FAM20A: variants seen among roughly 807,000 people sequenced by gnomAD.
FAM20A encodes the protein pseudokinase FAM20A.
FAM20A carries 42 observed loss-of-function variants against 52.0 expected under a neutral mutation model. That is an observed-to-expected ratio of 0.81 (90% CI 0.63 to 1.04). FAM20A has a LOEUF of 1.04. Ranked by LOEUF, FAM20A falls within the 50% of genes least tolerant of loss-of-function variation. The pLI, the probability that FAM20A is intolerant of heterozygous loss-of-function variation, is 0.00. For synonymous variants in FAM20A, 304 were observed against 298.9 expected (o/e 1.02, Z -0.18); for missense variants, 742 against 712.7 (o/e 1.04, Z -0.47).
At chr17:68,573,919 C>A (rs1024394883) in intron 1 of FAM20A, among the ~76,000 whole-genome samples, 2 of 151,988 alleles carry the variant, frequency 1.3e-5, no homozygotes, top group African/African-American at 4.8e-5. Context: ...CTCAGGTGAT[C>A]CGCCTGCCTC....
At chr17:68,555,797 A>G in intron 1 of FAM20A, 54 bp from the exon 2 acceptor site, 3 of 1,590,614 alleles carry the variant, frequency 1.9e-6, no homozygotes, top group Non-Finnish European at 2.6e-6. Context: ...AAGACCCACC[A>G]AGATACCTTG....
In FAM20A at chr17:68,554,847, C is replaced by G; in HGVS notation, c.590-20G>C. On this transcript the variant is annotated intron_variant, in intron 2 of 10. Coordinates refer to ENST00000592554, the MANE Select transcript of FAM20A (RefSeq NM_017565.4). Reference sequence around the variant, plus strand: ...TGTAATCTGCAAAGGAGGAGAAGGGCAATGAGAACTTCCAGTCTTGTTCCT... The same window carrying G: ...TGTAATCTGCAAAGGAGGAGAAGGGGAATGAGAACTTCCAGTCTTGTTCCT... 1 of 1,613,774 alleles carries G rather than the reference C, an allele frequency of 6.2e-7. No individual in the cohort carries two copies. Among genetic ancestry groups the G allele is most frequent in the Non-Finnish European group, 8.5e-7 (1 of 1,179,748 alleles).
Position 68,551,943 on chromosome 17 carries a change from G to A in FAM20A, c.649C>T (p.Pro217Ser). Residue 217 changes from proline to serine, a missense_variant, in exon 4 of 11, where the codon CCC becomes TCC. Transcript: ENST00000592554. ...GACDCTQIVK[P>S]SGVHLKLVLR... is the part of the protein sequence containing the mutation. ...ACCAGCTTGAGGTGGACCCCACTGGGTTTCACAACTGTGAAAGGCAGAAGG... is the reference window on the plus strand; with the variant it reads ...ACCAGCTTGAGGTGGACCCCACTGGATTTCACAACTGTGAAAGGCAGAAGG... The A allele has an allele frequency of 6.3e-7, 1 of 1,584,668 alleles. No individual in the cohort carries two copies. The highest frequency in any genetic ancestry group is 1.2e-5 in the South Asian group (1 of 86,946).
At position 68,595,582 on chromosome 17, in the gene FAM20A, A is replaced by C. The variant is rs183165105; in HGVS notation, c.404+4681T>G. 8.0e-3 allele frequency among the ~76,000 whole-genome samples: 1,221 copies of C among 152,282 alleles called. 17 individuals are homozygous for C. The highest frequency in any genetic ancestry group is 0.028 in the African/African-American group (1,170 of 41,562). The stretch of plus-strand genomic sequence containing the variant: ...GCTCCCCACTCTCTCTGCTAACCAC[A>C]CACGGGCCGTGGTTGAGGTCCATTT... On this transcript the variant is annotated intron_variant, in intron 1 of 10. Transcript: ENST00000592554.
chr17:68,582,972 T>G (rs1235197863), intron 1 of FAM20A, among the ~76,000 whole-genome samples: 2 of 151,104 alleles, frequency 1.3e-5, no homozygotes, highest in East Asian at 1.9e-4. Flanking sequence ...GCTGATTTTT[T>G]TTTTTTTGTA....
Position 68,543,713 on chromosome 17 carries a change from C to A in FAM20A, c.728G>T (p.Arg243Leu). 2 of 1,613,964 alleles carry A rather than the reference C, an allele frequency of 1.2e-6. No individual in the cohort carries two copies. Among genetic ancestry groups the A allele is most frequent in the Non-Finnish European group, 1.7e-6 (2 of 1,179,868 alleles). ...GAAGTCCACTGGTGTCTCCTCATCTCGCTGCTGTCTGGAAGGAAGGAAGGA... is the reference window on the plus strand; with the variant it reads ...GAAGTCCACTGGTGTCTCCTCATCTAGCTGCTGTCTGGAAGGAAGGAAGGA... ...KAMFKPMRQQ[R>L]DEETPVDFFY... The change falls in exon 5 of 11, where the codon CGA becomes CTA. Residue 243 changes from arginine (R) to leucine (L), a missense_variant. Arg to Leu is a moderately radical substitution (Grantham distance 102). Transcript: ENST00000592554.
At chr17:68,596,545 T>C (rs961313917) in intron 1 of FAM20A, among the ~76,000 whole-genome samples, 1 of 152,188 alleles carries the variant, frequency 6.6e-6, no homozygotes, top group Non-Finnish European at 1.5e-5. Flanking sequence ...TATCTAAGAA[T>C]GCAAAGGCGA....
At chr17:68,570,496 T>A (rs2087508159) in intron 1 of FAM20A, among the ~76,000 whole-genome samples, 1 of 152,216 alleles carries the variant, frequency 6.6e-6, no homozygotes, top group South Asian at 2.1e-4. Flanking sequence ...ATGGGAACCA[T>A]AAGCTTACTC....
intron 1 of FAM20A, among the ~76,000 whole-genome samples, chr17:68,572,842 G>T (rs1474729755): frequency 2.0e-5 from 3 of 151,828 alleles, no homozygotes; most frequent in African/African-American, 7.3e-5. Flanking sequence ...TTCCCTTTCT[G>T]TTCATCTGCC....
chr17:68,550,862 G>A (rs1168861749), intron 4 of FAM20A, among the ~76,000 whole-genome samples: 2 of 152,220 alleles, frequency 1.3e-5, no homozygotes, highest in Non-Finnish European at 2.9e-5. Context: ...TTAAGGAGGT[G>A]CTTTCGCCAA....
At chr17:68,554,543 ATGT>A (rs1159978509) in intron 3 of FAM20A, among the ~76,000 whole-genome samples, 3 of 152,190 alleles carry the variant, frequency 2.0e-5, no homozygotes, top group Non-Finnish European at 4.4e-5. Context: ...CTCCTCAGTG[ATGT>A]TGATGATGCT....
chr17:68,553,332 C>A (rs907861300), intron 3 of FAM20A, among the ~76,000 whole-genome samples: 2 of 152,178 alleles, frequency 1.3e-5, no homozygotes, highest in African/African-American at 4.8e-5. Flanking sequence ...GTCAATTAAA[C>A]CTCTTTCCTT....
chr17:68,567,400 A>G lies in FAM20A; in HGVS notation c.405-11657T>C, dbSNP rs1430984033. The stretch of plus-strand genomic sequence containing the variant: ...ATCTACATTCAACATGTTTAAAACT[A>G]AACTCTTGATTGTCTCTCTAAGCCT... On this transcript the variant is annotated intron_variant, in intron 1 of 10. Coordinates refer to ENST00000592554, the MANE Select transcript of FAM20A (RefSeq NM_017565.4). 2.0e-5 allele frequency among the ~76,000 whole-genome samples: 3 copies of G among 151,920 alleles called. 1 individual carries two copies. Among genetic ancestry groups the G allele is most frequent in the Admixed American group, 2.0e-4 (3 of 15,272 alleles).
chr17:68,578,742 C>A (rs961828160), intron 1 of FAM20A, among the ~76,000 whole-genome samples: 2 of 150,596 alleles, frequency 1.3e-5, no homozygotes, highest in African/African-American at 2.4e-5. Flanking sequence ...GCCTGTAATC[C>A]CAGCACTTTG....
chr17:68,579,470 A>G (rs1489103511), intron 1 of FAM20A, among the ~76,000 whole-genome samples: 2 of 152,168 alleles, frequency 1.3e-5, no homozygotes, highest in Non-Finnish European at 2.9e-5. Context: ...AAGAGGGCCT[A>G]GAGTCCAAAG....
intron 1 of FAM20A, among the ~76,000 whole-genome samples, chr17:68,599,324 G>T (rs1177510330): frequency 6.6e-6 from 1 of 152,136 alleles, no homozygotes; most frequent in Non-Finnish European, 1.5e-5. Context: ...GTGGTATTTA[G>T]ACAAGTTCTG....
intron 1 of FAM20A, among the ~76,000 whole-genome samples, chr17:68,557,068 T>C (rs1375706146): frequency 1.3e-5 from 2 of 151,776 alleles, no homozygotes; most frequent in Non-Finnish European, 2.9e-5. Flanking sequence ...GGCATGATGG[T>C]GCACACCTGT....
rs759693849 is a variant in FAM20A at position 68,600,272 on chromosome 17, C to T, written c.395G>A (p.Arg132His). Residue 132 changes from arginine to histidine, a missense_variant, in exon 1 of 11, where the codon CGC (arginine) becomes CAC (histidine). Arg to His is a conservative substitution (Grantham distance 29). Transcript: ENST00000592554. This position sits in a 1 kb window ranked among gnomAD's most constrained non-coding sequence, Gnocchi z 6.2. ...ALRYYRRKVA[R>H]WNRRHKMYRE... is the part of the protein sequence containing the mutation. Reference sequence around the variant, plus strand: ...CGGGCGGGGTCCTCACCTGTTCCAGCGGGCCACCTTCCTCCGGTAATACCG... The same window carrying T: ...CGGGCGGGGTCCTCACCTGTTCCAGTGGGCCACCTTCCTCCGGTAATACCG... The T allele has an allele frequency of 4.5e-6, 7 of 1,566,104 alleles. No homozygotes were observed. The highest frequency in any genetic ancestry group is 1.2e-5 in the South Asian group (1 of 85,090).
intron 1 of FAM20A, among the ~76,000 whole-genome samples, chr17:68,560,816 A>C (rs2087192929): frequency 6.6e-6 from 1 of 152,188 alleles, no homozygotes; most frequent in African/African-American, 2.4e-5. Flanking sequence ...GTATGAGACT[A>C]TATTCAAGAA....
Sources: gnomAD v4.1 joint callset for allele counts (sites outside exome capture counted in the v4.1 genomes callset) on GRCh38, gnomAD v4.1.1 for gene constraint, Gnocchi (gnomAD v3.1) non-coding constraint, MANE v1.5 for transcripts, NCBI Gene and HGNC (gene_info 2026-07-23, HGNC 2026-07-21) for gene names.